ERCC8: variants seen among roughly 807,000 people sequenced by gnomAD.
ERCC8 encodes the protein ERCC excision repair 8, CSA ubiquitin ligase complex subunit.
A neutral mutation model predicts 54.9 loss-of-function variants in ERCC8; 52 were observed. The ratio of observed to expected loss-of-function variants is 0.95; its 90% CI spans 0.76 to 1.19. The LOEUF is 1.19. Ranked by LOEUF, ERCC8 falls within the 50% of genes most tolerant of loss-of-function variation. The pLI, the probability that ERCC8 is intolerant of heterozygous loss-of-function variation, is 0.00. For missense variants in ERCC8, 514 were observed against 466.1 expected (o/e 1.10, Z -0.95); for synonymous variants, 146 against 157.2 (o/e 0.93, Z 0.53).
intron 1 of ERCC8, among the ~76,000 whole-genome samples, chr5:60,942,264 A>G (rs949531781): frequency 1.3e-5 from 2 of 152,168 alleles, no homozygotes; most frequent in African/African-American, 4.8e-5. Context: ...CAGTTTCTTA[A>G]AAAGTAAAGG....
In ERCC8 at chr5:60,867,427, T is replaced by C. The variant is rs1747777137; in HGVS notation, c.*7188A>G. 1.3e-5 allele frequency among the ~76,000 whole-genome samples: 2 copies of C among 152,158 alleles called. No homozygotes were observed. The highest frequency in any genetic ancestry group is 6.5e-5 in the Admixed American group (1 of 15,270). The stretch of plus-strand genomic sequence containing the variant: ...GAGCCACTGCGCCTGGCCTTATTTC[T>C]TTATAAAGCCATTACAATGAAAAAA... On this transcript the variant is annotated 3_prime_UTR_variant, in exon 12 of 12. Coordinates refer to ENST00000676185, the MANE Select transcript of ERCC8 (RefSeq NM_000082.4).
At position 60,874,265 on chromosome 5, in the gene ERCC8, T is replaced by C. The variant is rs1579977728; in HGVS notation, c.*350A>G. On this transcript the variant is annotated 3_prime_UTR_variant, in exon 12 of 12. Coordinates refer to ENST00000676185, the MANE Select transcript of ERCC8 (RefSeq NM_000082.4). ...TGATAGTACAGCAAGTAAGAGAAAG[T>C]CAATACTGATGGCCTCCACTTGCTG... 2 of 197,778 alleles carry C rather than the reference T, an allele frequency of 1.0e-5. No individual in the cohort carries two copies. The highest frequency in any genetic ancestry group is 2.5e-4 in the East Asian group (2 of 7,906). The allele number at this position is 197,778 out of a possible 1,614,324, so 12.3% of individuals were successfully genotyped here.
intron 11 of ERCC8, among the ~76,000 whole-genome samples, chr5:60,879,482 C>T (rs1363487858): frequency 6.6e-6 from 1 of 152,120 alleles, no homozygotes; most frequent in Non-Finnish European, 1.5e-5. Context: ...TAAAGTCTCC[C>T]ATTATTATTG....
chr5:60,935,660 T>C (rs1750042536), intron 1 of ERCC8, among the ~76,000 whole-genome samples: 1 of 152,214 alleles, frequency 6.6e-6, no homozygotes, highest in African/African-American at 2.4e-5. Flanking sequence ...TTCAGTATAA[T>C]GTTGGCTGTG....
At chr5:60,930,415 G>C (rs1295385748) in intron 1 of ERCC8, among the ~76,000 whole-genome samples, 1 of 152,066 alleles carries the variant, frequency 6.6e-6, no homozygotes, top group Non-Finnish European at 1.5e-5. Flanking sequence ...AAATTAGCTG[G>C]GCGTGGTGGC....
chr5:60,906,337 G>A (rs1294913788), intron 4 of ERCC8, among the ~76,000 whole-genome samples: 1 of 151,774 alleles, frequency 6.6e-6, no homozygotes, highest in African/African-American at 2.4e-5. Context: ...CTGGGCCTAT[G>A]TTTTAGCAGA....
chr5:60,892,330 T>A, intron 9 of ERCC8: 1 of 555,828 alleles, frequency 1.8e-6, no homozygotes, highest in Non-Finnish European at 3.6e-6. Flanking sequence ...TGTCACCCAA[T>A]AGCTCATCAG....
At position 60,892,115 on chromosome 5, in the gene ERCC8, C is replaced by A. The variant is rs116232323; in HGVS notation, c.844-1029G>T. On this transcript the variant is annotated intron_variant, in intron 9 of 11. Coordinates refer to ENST00000676185, the MANE Select transcript of ERCC8 (RefSeq NM_000082.4). The stretch of plus-strand genomic sequence containing the variant: ...ATCCTCTGCAGTACTGGGCAGCAGT[C>A]CACTGGGCACACATCCACCTTACTG... 1.7e-3 allele frequency: 871 copies of A among 519,816 alleles called. 14 individuals are homozygous for A. Among genetic ancestry groups the A allele is most frequent in the African/African-American group, 0.014 (748 of 51,676 alleles). 32.2% of individuals were successfully genotyped at this position (519,816 alleles called of 1,614,324 possible).
intron 11 of ERCC8, among the ~76,000 whole-genome samples, chr5:60,882,043 G>A (rs183465089): frequency 2.5e-4 from 38 of 152,148 alleles, no homozygotes; most frequent in African/African-American, 7.0e-4. Context: ...GGGTTTCACC[G>A]TGTTAGCCAG....
At chr5:60,898,562 G>T (rs1417290603) in intron 8 of ERCC8, among the ~76,000 whole-genome samples, 162 bp from the exon 9 acceptor site, 7 of 151,192 alleles carry the variant, frequency 4.6e-5, no homozygotes, top group African/African-American at 1.7e-4. Flanking sequence ...AATAGGATAA[G>T]CTATATAAAT....
intron 2 of ERCC8, among the ~76,000 whole-genome samples, chr5:60,922,642 T>C (rs1749632497): frequency 1.3e-5 from 2 of 152,068 alleles, no homozygotes; most frequent in South Asian, 2.1e-4. Flanking sequence ...AAGTGCAAAA[T>C]TCTTTTTATA....
chr5:60,904,272 A>G (rs1051406472), intron 5 of ERCC8, among the ~76,000 whole-genome samples: 2 of 152,074 alleles, frequency 1.3e-5, no homozygotes, highest in Admixed American at 1.3e-4. Flanking sequence ...AGAGGTAGAG[A>G]CTCACATGGT....
At chr5:60,899,061 T>C (rs1748800518) in intron 8 of ERCC8, among the ~76,000 whole-genome samples, 1 of 150,642 alleles carries the variant, frequency 6.6e-6, no homozygotes, top group African/African-American at 2.4e-5. Context: ...TATAGTTTTA[T>C]GTAGAAACTA....
At chr5:60,907,110 G>A (rs1227417767) in intron 4 of ERCC8, among the ~76,000 whole-genome samples, 2 of 152,186 alleles carry the variant, frequency 1.3e-5, no homozygotes, top group African/African-American at 4.8e-5. Context: ...CTGGATTTCA[G>A]TAATGACTGC....
At position 60,926,632 on chromosome 5, in the gene ERCC8, T is replaced by C. The variant is rs112082196; in HGVS notation, c.173+2232A>G. On this transcript the variant is annotated intron_variant, in intron 2 of 11. Transcript: ENST00000676185. Reference sequence around the variant, plus strand: ...ACATTTTGTAGTTCAGTTACTCTAATTGTGTACATAGAGAAATATTTGTAA... The same window carrying C: ...ACATTTTGTAGTTCAGTTACTCTAACTGTGTACATAGAGAAATATTTGTAA... Among the ~76,000 whole-genome samples, 1,312 of 152,336 alleles carry C rather than the reference T, an allele frequency of 8.6e-3. 11 individuals carry two copies. The highest frequency in any genetic ancestry group is 0.015 in the Non-Finnish European group (994 of 68,022).
chr5:60,878,211 G>A (rs1748079017), intron 11 of ERCC8, among the ~76,000 whole-genome samples: 1 of 152,082 alleles, frequency 6.6e-6, no homozygotes, highest in Non-Finnish European at 1.5e-5. Flanking sequence ...TTGCATCCCA[G>A]GGATGAAGCC....
chr5:60,934,022 T>TG (rs1172211934), intron 1 of ERCC8, among the ~76,000 whole-genome samples: 1 of 152,202 alleles, frequency 6.6e-6, no homozygotes, highest in Admixed American at 6.5e-5. Flanking sequence ...TTTTTGCACT[T>TG]GCGAATTGTG....
chr5:60,877,200 C>T (rs1462614681), intron 11 of ERCC8, among the ~76,000 whole-genome samples: 1 of 152,134 alleles, frequency 6.6e-6, no homozygotes. Context: ...AGATATGCAG[C>T]ATTACTTCTG....
At chr5:60,912,956 T>C (rs1052549764) in intron 4 of ERCC8, among the ~76,000 whole-genome samples, 2 of 152,092 alleles carry the variant, frequency 1.3e-5, no homozygotes, top group African/African-American at 4.8e-5. Flanking sequence ...TTGATCATGG[T>C]GGATAAGCTT....
Sources: gnomAD v4.1 joint callset for allele counts (sites outside exome capture counted in the v4.1 genomes callset) on GRCh38, gnomAD v4.1.1 for gene constraint, MANE v1.5 for transcripts, NCBI Gene and HGNC (gene_info 2026-07-23, HGNC 2026-07-21) for gene names.